Variants in XCR1 observed in about 807,000 individuals in gnomAD.
XCR1 encodes chemokine XC receptor 1.
For synonymous variants in XCR1, 187 were observed against 188.5 expected (o/e 0.99, Z 0.06); for missense variants, 356 against 424.2 (o/e 0.84, Z 1.41).
intron 1 of XCR1, 168 bp from the exon 2 acceptor site, chr3:46,022,146 T>A (rs555615369): frequency 1.0e-5 from 6 of 578,028 alleles, no homozygotes; most frequent in East Asian, 6.1e-5. Flanking sequence ...ACAAAAAATT[T>A]AAAAATTACC....
intron 1 of XCR1, chr3:46,023,422 G>C: frequency 1.4e-6 from 2 of 1,472,350 alleles, no homozygotes; most frequent in Non-Finnish European, 9.5e-7. Context: ...ATATCTTTCT[G>C]AAGCCATGAA....
intron 1 of XCR1, among the ~76,000 whole-genome samples, chr3:46,080,053 A>C (rs1391741549): frequency 6.7e-6 from 1 of 149,554 alleles, no homozygotes. Flanking sequence ...ATTTGTGCTT[A>C]ATTATTTTGA....
At chr3:46,023,119 C>T (rs1309822598) in intron 1 of XCR1, among the ~76,000 whole-genome samples, 2 of 152,180 alleles carry the variant, frequency 1.3e-5, no homozygotes, top group South Asian at 2.1e-4. Flanking sequence ...GTCATGGCGC[C>T]GTGCGGGGTC....
intron 4 of XCR1, among the ~76,000 whole-genome samples, chr3:46,063,604 T>A (rs1012236978): frequency 6.6e-6 from 1 of 152,102 alleles, no homozygotes; most frequent in African/African-American, 2.4e-5. Context: ...TGGATCTACA[T>A]GAACACCCAA....
chr3:46,074,586 C>T (rs1287471025), intron 3 of XCR1, among the ~76,000 whole-genome samples: 3 of 151,850 alleles, frequency 2.0e-5, no homozygotes, highest in Non-Finnish European at 1.5e-5. Context: ...ATCCATGTAA[C>T]AATGCAATTG....
Position 46,017,221 on chromosome 3 carries a change from G to T in XCR1, c.*3725C>A, listed in dbSNP as rs576667571. 4 of 152,222 alleles carry T rather than the reference G, an allele frequency of 2.6e-5. No homozygotes were observed. The highest frequency in any genetic ancestry group is 9.6e-5 in the African/African-American group (4 of 41,460). The allele number at this position is 152,222 out of a possible 1,614,324, so 9.4% of individuals were successfully genotyped here. A position where few individuals can be genotyped will look rare whatever the true frequency, so the allele number is the denominator to read the frequency against. ...CTTGAGAGGCCCAAGGTCACAGTGG[G>T]AAAGAGCTTGGATTTGGAGTTTAGG... On this transcript the variant is annotated 3_prime_UTR_variant, in exon 2 of 2. Coordinates refer to ENST00000309285, the MANE Select transcript of XCR1 (RefSeq NM_001024644.2).
chr3:46,027,168 C>T (rs939695047), intron 1 of XCR1, among the ~76,000 whole-genome samples: 10 of 152,206 alleles, frequency 6.6e-5, no homozygotes, highest in Admixed American at 2.6e-4. Flanking sequence ...CCAGCCTTGG[C>T]CTCCCAAAGT....
intron 4 of XCR1, among the ~76,000 whole-genome samples, chr3:46,058,861 G>T (rs528383081): frequency 6.6e-6 from 1 of 152,292 alleles, no homozygotes; most frequent in East Asian, 1.9e-4. Context: ...CATGATGACC[G>T]GCCATAGGGT....
chr3:46,030,507 A>G (rs993151924), upstream of XCR1, among the ~76,000 whole-genome samples: 1 of 152,228 alleles, frequency 6.6e-6, no homozygotes, highest in Non-Finnish European at 1.5e-5. Context: ...TATGAAAAAT[A>G]CTTTATGCAC....
intron 1 of XCR1, among the ~76,000 whole-genome samples, chr3:46,081,202 T>C (rs916902309): frequency 6.6e-6 from 1 of 152,242 alleles, no homozygotes; most frequent in African/African-American, 2.4e-5. Context: ...CCAATTGTGC[T>C]TTTAACCCCC....
intron 1 of XCR1, among the ~76,000 whole-genome samples, chr3:46,081,618 T>A (rs1698365424): frequency 6.6e-6 from 1 of 152,202 alleles, no homozygotes. Context: ...AGTGAAGTAG[T>A]TTTGGCATTG....
chr3:46,022,776 A>G (rs915026901), intron 1 of XCR1, among the ~76,000 whole-genome samples: 1 of 152,246 alleles, frequency 6.6e-6, no homozygotes, highest in Admixed American at 6.5e-5. Flanking sequence ...TCTACACAAC[A>G]TAACAATGTT....
intron 4 of XCR1, among the ~76,000 whole-genome samples, chr3:46,061,285 A>G (rs1269116679): frequency 6.6e-6 from 1 of 152,176 alleles, no homozygotes; most frequent in Non-Finnish European, 1.5e-5. Flanking sequence ...CTCAGTGTTG[A>G]TCTTTGCTTC....
intron 4 of XCR1, among the ~76,000 whole-genome samples, chr3:46,054,598 G>C (rs914612026): frequency 2.7e-4 from 41 of 152,196 alleles, no homozygotes; most frequent in African/African-American, 9.4e-4. Flanking sequence ...CAGGGGTTTG[G>C]TGTAGGTACT....
intron 4 of XCR1, among the ~76,000 whole-genome samples, chr3:46,056,619 G>T (rs1240606182): frequency 6.6e-6 from 1 of 151,544 alleles, no homozygotes; most frequent in South Asian, 2.1e-4. Context: ...GACTACAGGC[G>T]CATGCCACCA....
At chr3:46,056,486 T>C (rs1481615615) in intron 4 of XCR1, among the ~76,000 whole-genome samples, 5 of 152,126 alleles carry the variant, frequency 3.3e-5, no homozygotes, top group Admixed American at 3.3e-4. Flanking sequence ...TTCTTTTATT[T>C]TTTTTGAGAC....
intron 3 of XCR1, among the ~76,000 whole-genome samples, chr3:46,068,468 G>C (rs1331082910): frequency 6.6e-6 from 1 of 152,092 alleles, no homozygotes; most frequent in Non-Finnish European, 1.5e-5. Flanking sequence ...TTTCAAAGGA[G>C]AATTACTTTG....
At position 46,021,015 on chromosome 3, in the gene XCR1, C is replaced by T. The variant is rs1194648998; in HGVS notation, c.933G>A (p.Gln311=). Residue 311 remains glutamine (Q), a synonymous_variant, in exon 2 of 2, where the codon CAG becomes CAA. Transcript: ENST00000309285. This position sits in a 1 kb window ranked among gnomAD's most constrained non-coding sequence, Gnocchi z 4.7. ...VLRQFWFCRL[Q]APSPASIPHS... is the part of the protein sequence containing the mutation. ...GGGGGATCGAGGCTGGGCTGGGTGCCTGCAGCCGGCAGAACCAGAACTGCC... is the reference window on the plus strand; with the variant it reads ...GGGGGATCGAGGCTGGGCTGGGTGCTTGCAGCCGGCAGAACCAGAACTGCC... The T allele has an allele frequency of 8.7e-6, 14 of 1,613,370 alleles. No individual in the cohort carries two copies. The highest frequency in any genetic ancestry group is 1.2e-5 in the Non-Finnish European group (14 of 1,179,634).
In XCR1 at chr3:46,062,074, C is replaced by T. The variant is rs545038520; in HGVS notation, c.-183+4825G>A. The stretch of plus-strand genomic sequence containing the variant: ...CAATTTGGACAGTGCCCATTACATA[C>T]AGAAGACGTTGAGTCAGCAGAATTG... On this transcript the variant is annotated intron_variant, in intron 4 of 5. Transcript: ENST00000683768. Among the ~76,000 whole-genome samples, 6 of 152,266 alleles carry T rather than the reference C, an allele frequency of 3.9e-5. No individual in the cohort carries two copies. The East Asian group carries it at 1.2e-3, about 29-fold the overall frequency.
Sources: allele counts gnomAD v4.1 joint callset (sites outside exome capture counted in the v4.1 genomes callset), GRCh38; gene constraint gnomAD v4.1.1; non-coding constraint Gnocchi (gnomAD v3.1); transcripts MANE v1.5; gene names NCBI Gene and HGNC (gene_info 2026-07-23, HGNC 2026-07-21).